Variants in STAU1 observed in about 807,000 individuals in gnomAD.
The protein encoded by STAU1 is double-stranded RNA-binding protein Staufen homolog 1.
A neutral mutation model predicts 62.9 loss-of-function variants in STAU1; 13 were observed. The observed-to-expected ratio is 0.21, with a 90% CI of 0.13 to 0.33. The LOEUF (loss-of-function observed/expected upper bound fraction) is 0.33. STAU1 is among the 10% of genes least tolerant of loss of function. The probability of loss-of-function intolerance (pLI) is 1.00; values close to 1 mark genes in which losing one functional copy is unlikely to be tolerated. For missense variants in STAU1, 571 were observed against 712.1 expected, an observed-to-expected ratio of 0.80 and a Z score of 2.25; for synonymous variants, 269 against 265.1, an observed-to-expected ratio of 1.01 and a Z score of -0.14.
At chr20:49,189,477 G>A (rs558821278), upstream of STAU1, among the ~76,000 whole-genome samples, 38 of 151,228 alleles carry the variant, frequency 2.5e-4, no homozygotes, top group African/African-American at 9.0e-4. Flanking sequence ...TCTACTAGCC[G>A]GATGCAGTGG....
chr20:49,198,959 C>T, the STAU1 span, among the ~76,000 whole-genome samples: 1 of 150,296 alleles, frequency 6.7e-6, no homozygotes, highest in Non-Finnish European at 1.5e-5. Context: ...CAAGATGAGA[C>T]CCCGTCCCCC....
chr20:49,186,343 C>CAA (rs113184195), intron 1 of STAU1, among the ~76,000 whole-genome samples: 2 of 97,714 alleles, frequency 2.0e-5, no homozygotes, highest in African/African-American at 3.9e-5. Context: ...GAGACTGTCT[C>CAA]AAAAAAAAAA....
At chr20:49,217,707 C>G in the STAU1 span, among the ~76,000 whole-genome samples, 1 of 141,834 alleles carries the variant, frequency 7.1e-6, no homozygotes, top group Non-Finnish European at 1.5e-5. Context: ...TTAGGCCAGG[C>G]GCAGTGGCTC....
chr20:49,129,270 T>C (rs1187718276), intron 6 of STAU1, among the ~76,000 whole-genome samples: 1 of 131,876 alleles, frequency 7.6e-6, no homozygotes, highest in African/African-American at 2.9e-5. Flanking sequence ...TAGAATGACT[T>C]TAAAAAAAAA....
the STAU1 span, among the ~76,000 whole-genome samples, chr20:49,194,606 C>T: frequency 1.0e-5 from 1 of 95,964 alleles, no homozygotes; most frequent in Non-Finnish European, 2.3e-5. Context: ...GAGACAGAGT[C>T]TCGCTCTGTC....
chr20:49,146,332 A>C (rs528986624), intron 5 of STAU1, among the ~76,000 whole-genome samples: 23 of 152,332 alleles, frequency 1.5e-4, no homozygotes, highest in African/African-American at 4.1e-4. Context: ...GTATGCACCT[A>C]TCCCAAGTGA....
intron 6 of STAU1, among the ~76,000 whole-genome samples, chr20:49,134,150 G>T (rs761345870): frequency 2.6e-5 from 4 of 151,992 alleles, no homozygotes; most frequent in Non-Finnish European, 5.9e-5. Context: ...TCCCTTACTG[G>T]GCCGGGCAAG....
chr20:49,143,591 TCAAAACAAAA>T (rs986593691), intron 5 of STAU1, among the ~76,000 whole-genome samples: 2 of 152,126 alleles, frequency 1.3e-5, no homozygotes, highest in Admixed American at 6.6e-5. Flanking sequence ...AGACCCTATT[TCAAAACAAAA>T]CAAAACAACA....
intron 7 of STAU1, among the ~76,000 whole-genome samples, chr20:49,123,756 T>A (rs1339443829): frequency 2.0e-5 from 3 of 151,982 alleles, no homozygotes; most frequent in Non-Finnish European, 4.4e-5. Flanking sequence ...CAGGCTATAT[T>A]AAGCAAAAAA....
At chr20:49,206,746 T>TATATATATATATATAC in the STAU1 span, among the ~76,000 whole-genome samples, 1 of 116,824 alleles carries the variant, frequency 8.6e-6, no homozygotes, top group Non-Finnish European at 1.8e-5. Context: ...TATATATATA[T>TATATATATATATATAC]ATATATTTTA....
intron 8 of STAU1, among the ~76,000 whole-genome samples, chr20:49,122,814 G>A (rs1392444863): frequency 1.3e-5 from 2 of 152,180 alleles, no homozygotes; most frequent in African/African-American, 2.4e-5. Flanking sequence ...CTACTCGGGA[G>A]GCTGAGGCAG....
intron 1 of STAU1, among the ~76,000 whole-genome samples, chr20:49,176,958 C>CTGGA (rs1226403744): frequency 6.7e-6 from 1 of 149,156 alleles, no homozygotes; most frequent in Non-Finnish European, 1.5e-5. Context: ...GTTGCCCAGG[C>CTGGA]TGGAGTGCAA....
chr20:49,117,902 C>T lies in STAU1; in HGVS notation c.1384G>A (p.Gly462Arg). 6.2e-7 allele frequency: 1 copy of T among 1,614,182 alleles called. No individual in the cohort carries two copies. The change falls in exon 11 of 14, where the codon GGG becomes AGG. Residue 462 changes from glycine to arginine, a missense_variant. By Grantham distance (125) the Gly-to-Arg change is moderately radical (BLOSUM62 -2). This residue lies in a region of STAU1 where 156 missense variants were observed against 194.7 expected (regional missense o/e 0.80). Coordinates refer to ENST00000371856, the MANE Select transcript of STAU1 (RefSeq NM_017453.4). This position sits in a 1 kb window ranked among gnomAD's most constrained non-coding sequence, Gnocchi z 4.6. The part of the protein sequence containing the change: ...TAMIARELLY[G>R]GTSPTAETIL... ...GTCTCGGCTGTGGGCGAGGTGCCCC[C>T]ATACAACAACTCTCGGGCTATCATG...
At chr20:49,179,998 C>G (rs941549783) in intron 1 of STAU1, among the ~76,000 whole-genome samples, 1 of 152,186 alleles carries the variant, frequency 6.6e-6, no homozygotes, top group African/African-American at 2.4e-5. Context: ...TTTCACTGAT[C>G]CAGCCTTTCA....
At chr20:49,212,826 G>T in the STAU1 span, among the ~76,000 whole-genome samples, 1 of 151,710 alleles carries the variant, frequency 6.6e-6, no homozygotes, top group Non-Finnish European at 1.5e-5. Flanking sequence ...TCGAACTCCT[G>T]ACCTCAGGTG....
At chr20:49,165,541 G>A (rs539049148) in intron 3 of STAU1, among the ~76,000 whole-genome samples, 1 of 151,236 alleles carries the variant, frequency 6.6e-6, no homozygotes, top group South Asian at 2.1e-4. Flanking sequence ...TCACCATGTT[G>A]GCCAGGCTGG....
the STAU1 span, among the ~76,000 whole-genome samples, chr20:49,202,335 G>A: frequency 6.6e-6 from 1 of 152,126 alleles, no homozygotes; most frequent in African/African-American, 2.4e-5. Flanking sequence ...GCCGAGCTGG[G>A]CAGATCTCTT....
intron 2 of STAU1, among the ~76,000 whole-genome samples, chr20:49,170,818 T>C (rs1400730980): frequency 4.0e-5 from 6 of 149,168 alleles, no homozygotes; most frequent in Non-Finnish European, 4.5e-5. Flanking sequence ...AAAGAAGTCA[T>C]CCCAATTCTG....
intron 2 of STAU1, among the ~76,000 whole-genome samples, chr20:49,169,363 A>C (rs2093568532): frequency 6.6e-6 from 1 of 152,202 alleles, no homozygotes; most frequent in Non-Finnish European, 1.5e-5. Context: ...AACTCAAGGA[A>C]CAAATTAAGT....
Sources: allele counts gnomAD v4.1 joint callset (sites outside exome capture counted in the v4.1 genomes callset), GRCh38; gene constraint gnomAD v4.1.1; regional missense constraint gnomAD v4.1.1; non-coding constraint Gnocchi (gnomAD v3.1); transcripts MANE v1.5; gene names NCBI Gene and HGNC (gene_info 2026-07-23, HGNC 2026-07-21).